The following MGAT4C variants were observed in gnomAD, a reference collection of about 807,000 sequenced individuals.
The protein encoded by MGAT4C is MGAT4 family member C.
A neutral mutation model predicts 40.1 loss-of-function variants in MGAT4C; 19 were observed. The observed-to-expected ratio is 0.47, with a 90% CI of 0.33 to 0.70. The LOEUF (loss-of-function observed/expected upper bound fraction) is 0.70, where lower values mean the gene tolerates loss of function less well. Among genes scored for constraint, MGAT4C ranks in the 30% least tolerant of loss-of-function variants. The pLI, the probability that MGAT4C is intolerant of heterozygous loss-of-function variation, is 0.02. For synonymous variants in MGAT4C, 181 were observed against 187.1 expected (o/e 0.97, Z 0.27); for missense variants, 491 against 563.2 (o/e 0.87, Z 1.30).
intron 1 of MGAT4C, among the ~76,000 whole-genome samples, chr12:86,799,528 C>T (rs907903311): frequency 2.0e-5 from 3 of 151,696 alleles, no homozygotes; most frequent in Non-Finnish European, 4.4e-5. Context: ...TTCTTTTAAA[C>T]CATTATTTAT....
At chr12:86,076,203 C>A (rs1258332446) in intron 1 of MGAT4C, among the ~76,000 whole-genome samples, 4 of 152,108 alleles carry the variant, frequency 2.6e-5, no homozygotes, top group Admixed American at 2.0e-4. Flanking sequence ...GGCAAAATGA[C>A]ACCAGTCTCT....
At chr12:86,776,678 T>A (rs1236271972) in intron 1 of MGAT4C, among the ~76,000 whole-genome samples, 4 of 152,058 alleles carry the variant, frequency 2.6e-5, no homozygotes. Context: ...AAATCCTCAG[T>A]TTTACTATCT....
At chr12:86,571,348 C>T (rs1960354541) in intron 2 of MGAT4C, among the ~76,000 whole-genome samples, 1 of 151,854 alleles carries the variant, frequency 6.6e-6, no homozygotes, top group Non-Finnish European at 1.5e-5. Context: ...GAATATAAAA[C>T]ATGAAAGCTC....
intron 3 of MGAT4C, among the ~76,000 whole-genome samples, chr12:86,431,839 T>C (rs1190977620): frequency 3.3e-5 from 5 of 152,142 alleles, no homozygotes; most frequent in African/African-American, 1.2e-4. Context: ...TGTATCCATA[T>C]AGAATCAAGG....
At chr12:86,225,674 T>A (rs1488731633) in intron 1 of MGAT4C, among the ~76,000 whole-genome samples, 3 of 152,026 alleles carry the variant, frequency 2.0e-5, no homozygotes, top group Non-Finnish European at 2.9e-5. Flanking sequence ...AGCACATCGA[T>A]AGATTGAAGG....
Position 86,370,510 on chromosome 12 carries a change from T to C in MGAT4C, c.-119-36383A>G, listed in dbSNP as rs1282739817. The stretch of plus-strand genomic sequence containing the variant: ...ATAAGAAGTTACCAGAGCTTAAATA[T>C]CTTTTTTATTCTACTAAGGAAGTTG... On this transcript the variant is annotated intron_variant, in intron 3 of 7. Coordinates refer to the MGAT4C transcript ENST00000548651. 6.6e-5 allele frequency among the ~76,000 whole-genome samples: 10 copies of C among 152,186 alleles called. No individual in the cohort carries two copies. The East Asian group carries it at 1.5e-3, about 24-fold the overall frequency.
chr12:86,376,341 G>T (rs1052881625), intron 3 of MGAT4C, among the ~76,000 whole-genome samples: 1 of 151,516 alleles, frequency 6.6e-6, no homozygotes. Context: ...TCCAACCACC[G>T]CACTCCAGCC....
intron 1 of MGAT4C, among the ~76,000 whole-genome samples, chr12:86,824,137 G>A (rs1952757107): frequency 6.6e-6 from 1 of 151,356 alleles, no homozygotes; most frequent in African/African-American, 2.4e-5. Context: ...CTGAGTGGCT[G>A]TCTCAGATCA....
chr12:86,518,497 T>TA lies in MGAT4C; in HGVS notation c.-228-83233dup, dbSNP rs1254443037. Among the ~76,000 whole-genome samples, 10 of 152,340 alleles carry TA rather than the reference T, an allele frequency of 6.6e-5. No individual in the cohort carries two copies. The East Asian group carries it at 1.9e-3, about 29-fold the overall frequency. On this transcript the variant is annotated intron_variant, in intron 2 of 7. Coordinates refer to the MGAT4C transcript ENST00000548651. ...AATTAGCACATCAGTGAGATACCTC[T>TA]ACCCATTATAATAGCTAAACTCATA...
chr12:86,204,099 C>T (rs913150283), intron 1 of MGAT4C, among the ~76,000 whole-genome samples: 1 of 151,314 alleles, frequency 6.6e-6, no homozygotes, highest in African/African-American at 2.4e-5. Context: ...AACTTCTTCA[C>T]AAAAATATAT....
At chr12:86,625,908 T>C (rs976314314) in intron 2 of MGAT4C, among the ~76,000 whole-genome samples, 1 of 152,120 alleles carries the variant, frequency 6.6e-6, no homozygotes, top group Non-Finnish European at 1.5e-5. Flanking sequence ...ACATTAAATG[T>C]AAATGGACCA....
intron 1 of MGAT4C, among the ~76,000 whole-genome samples, chr12:86,085,770 C>T (rs917377137): frequency 2.0e-5 from 3 of 151,992 alleles, no homozygotes; most frequent in South Asian, 2.1e-4. Flanking sequence ...ATTTATGCAG[C>T]CAACACATAT....
chr12:86,271,497 T>C (rs1418680801), intron 4 of MGAT4C, among the ~76,000 whole-genome samples: 1 of 152,128 alleles, frequency 6.6e-6, no homozygotes, highest in Non-Finnish European at 1.5e-5. Flanking sequence ...AAAATGATTA[T>C]TATTAAAAAG....
At chr12:86,091,215 G>T (rs1319463347) in intron 1 of MGAT4C, among the ~76,000 whole-genome samples, 2 of 151,950 alleles carry the variant, frequency 1.3e-5, no homozygotes, top group African/African-American at 4.8e-5. Context: ...AGGAAGGAAA[G>T]AATAAAAGCA....
intron 1 of MGAT4C, among the ~76,000 whole-genome samples, chr12:86,794,884 A>G (rs1012092683): frequency 5.3e-5 from 8 of 151,912 alleles, no homozygotes; most frequent in African/African-American, 1.9e-4. Flanking sequence ...AGCCACACAA[A>G]AGCCAATATC....
At chr12:86,661,141 A>G (rs575201803) in intron 2 of MGAT4C, among the ~76,000 whole-genome samples, 98 of 152,290 alleles carry the variant, frequency 6.4e-4, no homozygotes, top group Non-Finnish European at 1.2e-3. Flanking sequence ...CTATATTACC[A>G]TCACTGTAGT....
In MGAT4C at chr12:86,166,809, T is replaced by A. The variant is rs77530018; in HGVS notation, c.-57+89430A>T. Among the ~76,000 whole-genome samples the A allele has an allele frequency of 6.4e-3, 968 of 152,140 alleles. 6 individuals carry two copies. The highest frequency in any genetic ancestry group is 0.022 in the African/African-American group (926 of 41,516). ...CACATTATATAACGTACATAAAAAA[T>A]TAAATAAAGCAAAATAACTCAAACA... On this transcript the variant is annotated intron_variant, in intron 1 of 4. Transcript: ENST00000611864.
At chr12:86,504,570 A>G (rs1479966723) in intron 2 of MGAT4C, among the ~76,000 whole-genome samples, 2 of 152,230 alleles carry the variant, frequency 1.3e-5, no homozygotes, top group Non-Finnish European at 2.9e-5. Context: ...CCAAGCCAAT[A>G]TAAAAGTCCA....
intron 4 of MGAT4C, among the ~76,000 whole-genome samples, chr12:86,273,803 A>G (rs1294111470): frequency 6.6e-6 from 1 of 152,220 alleles, no homozygotes; most frequent in African/African-American, 2.4e-5. Context: ...TGAAACCCCA[A>G]TAATTCAACG....
Sources: gnomAD v4.1 joint callset for allele counts (sites outside exome capture counted in the v4.1 genomes callset) on GRCh38, gnomAD v4.1.1 for gene constraint, MANE v1.5 for transcripts, NCBI Gene and HGNC (gene_info 2026-07-23, HGNC 2026-07-21) for gene names.